The following ZNF804B variants were observed in gnomAD, a reference collection of about 807,000 sequenced individuals.
ZNF804B encodes zinc finger protein 804B.
ZNF804B carries 80 observed loss-of-function variants against 101.4 expected under a neutral mutation model. That is an observed-to-expected ratio of 0.79 (90% CI 0.66 to 0.95). ZNF804B has a LOEUF of 0.95. Ranked by LOEUF, ZNF804B falls within the 40% of genes least tolerant of loss-of-function variation. The pLI, the probability that ZNF804B is intolerant of heterozygous loss-of-function variation, is 0.00. For synonymous variants in ZNF804B, 622 were observed against 558.8 expected (o/e 1.11, Z -1.59); for missense variants, 1,673 against 1,561.9 (o/e 1.07, Z -1.20).
intron 1 of ZNF804B, among the ~76,000 whole-genome samples, chr7:89,038,853 T>C (rs572358613): frequency 6.6e-6 from 1 of 152,236 alleles, no homozygotes; most frequent in African/African-American, 2.4e-5. Context: ...GATACAAAGG[T>C]ACAATTTAAT....
chr7:89,181,630 A>G (rs1788299623), intron 1 of ZNF804B, among the ~76,000 whole-genome samples: 1 of 150,928 alleles, frequency 6.6e-6, no homozygotes, highest in Non-Finnish European at 1.5e-5. Flanking sequence ...TTTCCTTGAT[A>G]TCATGTTAAA....
chr7:88,894,602 C>A (rs1289433396), intron 1 of ZNF804B, among the ~76,000 whole-genome samples: 1 of 151,994 alleles, frequency 6.6e-6, no homozygotes, highest in Non-Finnish European at 1.5e-5. Flanking sequence ...ATGGAGGCAA[C>A]CAAGATATCC....
At chr7:89,286,171 A>T (rs1020015256) in intron 2 of ZNF804B, among the ~76,000 whole-genome samples, 1 of 152,176 alleles carries the variant, frequency 6.6e-6, no homozygotes, top group Non-Finnish European at 1.5e-5. Context: ...CCTCAAATAC[A>T]GTGTCTCTTC....
In ZNF804B at chr7:89,266,877, T is replaced by TTGTGTGTGTGTGTGTGTGTGTGTGTG. The variant is rs66604616; in HGVS notation, c.249+48597_249+48598insGTGTGTGTGTGTGTGTGTGTGTGTGT. ...AGTACTAATGTTTGTGTGTCTGTGT[T>TTGTGTGTGTGTGTGTGTGTGTGTGTG]TGTGTGTGTGTGTGTCTTTGGGAGT... On this transcript the variant is annotated intron_variant, in intron 2 of 3. Coordinates refer to ENST00000333190, the MANE Select transcript of ZNF804B (RefSeq NM_181646.5). Among the ~76,000 whole-genome samples the TTGTGTGTGTGTGTGTGTGTGTGTGTG allele has an allele frequency of 1.2e-3, 187 of 150,982 alleles. 1 individual carries two copies. Among genetic ancestry groups the TTGTGTGTGTGTGTGTGTGTGTGTGTG allele is most frequent in the African/African-American group, 4.3e-3 (175 of 40,964 alleles).
chr7:89,276,831 G>A (rs1286471789), intron 2 of ZNF804B, among the ~76,000 whole-genome samples: 1 of 151,590 alleles, frequency 6.6e-6, no homozygotes, highest in East Asian at 1.9e-4. Context: ...GACTCTAGAG[G>A]TATTCTGTAG....
chr7:89,288,994 G>A (rs1045622933), intron 2 of ZNF804B, among the ~76,000 whole-genome samples: 1 of 152,128 alleles, frequency 6.6e-6, no homozygotes, highest in Non-Finnish European at 1.5e-5. Context: ...TTTTAGAAGT[G>A]ATAAAAATGC....
intron 1 of ZNF804B, among the ~76,000 whole-genome samples, chr7:88,833,880 T>C (rs1291990711): frequency 2.0e-5 from 3 of 151,876 alleles, no homozygotes; most frequent in Admixed American, 1.3e-4. Context: ...TTTATACTTA[T>C]GCCAAAATTA....
chr7:89,073,066 A>C (rs998943940), intron 1 of ZNF804B, among the ~76,000 whole-genome samples: 1 of 152,180 alleles, frequency 6.6e-6, no homozygotes, highest in Non-Finnish European at 1.5e-5. Flanking sequence ...TAAAATAATA[A>C]ATTTCAGAAA....
chr7:89,252,364 A>G (rs1447796620), intron 2 of ZNF804B, among the ~76,000 whole-genome samples: 1 of 152,118 alleles, frequency 6.6e-6, no homozygotes, highest in Non-Finnish European at 1.5e-5. Flanking sequence ...TATTAAAAGT[A>G]AAAAGCAAAC....
intron 1 of ZNF804B, among the ~76,000 whole-genome samples, chr7:89,128,814 G>A (rs1790507429): frequency 6.6e-6 from 1 of 151,796 alleles, no homozygotes; most frequent in Admixed American, 6.6e-5. Flanking sequence ...TAAATGACAG[G>A]AATCCCTAAG....
In ZNF804B at chr7:89,335,858, C is replaced by T. The variant is rs775748280; in HGVS notation, c.2876C>T (p.Ser959Leu). The T allele has an allele frequency of 1.8e-5, 29 of 1,613,926 alleles. No individual in the cohort carries two copies. In the Admixed American group the frequency reaches 1.8e-4, roughly 10 times the overall value. Residue 959 changes from serine (S) to leucine (L), a missense_variant, in exon 4 of 4, where the codon TCG (serine) becomes TTG (leucine). Ser to Leu is a moderately radical substitution (Grantham distance 145). Coordinates refer to ENST00000333190, the MANE Select transcript of ZNF804B (RefSeq NM_181646.5). Reference sequence around the variant, plus strand: ...TGTAAAAGTGAATTAGAGGCTCCTTCGCAAGTCCCATGCACAATTCAACTT... The same window carrying T: ...TGTAAAAGTGAATTAGAGGCTCCTTTGCAAGTCCCATGCACAATTCAACTT... ...NSCKSELEAP[S>L]QVPCTIQLAP... is the part of the protein sequence containing the mutation.
chr7:88,779,909 AG>A (rs774066854), intron 1 of ZNF804B, among the ~76,000 whole-genome samples: 18 of 152,182 alleles, frequency 1.2e-4, no homozygotes, highest in Non-Finnish European at 2.2e-4. Context: ...AAGGTGCTAC[AG>A]GGTCTATGCG....
intron 2 of ZNF804B, among the ~76,000 whole-genome samples, chr7:89,228,860 G>A (rs1789139545): frequency 6.6e-6 from 1 of 152,184 alleles, no homozygotes. Flanking sequence ...GGGGCGCACG[G>A]AGCAGGTAGG....
At chr7:89,015,799 G>T (rs996916220) in intron 1 of ZNF804B, among the ~76,000 whole-genome samples, 4 of 152,048 alleles carry the variant, frequency 2.6e-5, no homozygotes, top group African/African-American at 4.8e-5. Context: ...ATAAACATAC[G>T]TGTGCATGTG....
chr7:89,116,901 G>T (rs932581789), intron 1 of ZNF804B, among the ~76,000 whole-genome samples: 2 of 152,170 alleles, frequency 1.3e-5, no homozygotes, highest in East Asian at 1.9e-4. Flanking sequence ...ATATATTGCA[G>T]ATATGATTAA....
In ZNF804B at chr7:88,901,138, G is replaced by T. The variant is rs1031526252; in HGVS notation, c.108+141054G>T. 5.9e-5 allele frequency among the ~76,000 whole-genome samples: 9 copies of T among 151,852 alleles called. No individual in the cohort carries two copies. In the East Asian group the frequency reaches 1.7e-3, roughly 29 times the overall value. ...CTTTTTTATTCAACAGAAAAAAAGT[G>T]TTGTGAGCTATTTTCCGTATAATTC... On this transcript the variant is annotated intron_variant, in intron 1 of 3. Coordinates refer to ENST00000333190, the MANE Select transcript of ZNF804B (RefSeq NM_181646.5).
rs536116482 is a variant in ZNF804B at position 88,893,230 on chromosome 7, T to A, written c.108+133146T>A. Among the ~76,000 whole-genome samples, 5 of 152,206 alleles carry A rather than the reference T, an allele frequency of 3.3e-5. No homozygotes were observed. In the South Asian group the frequency reaches 1.0e-3, roughly 32 times the overall value. ...TACTATTTTATTATAGTTTCTGACC[T>A]CCAAGGAATATAGTTGCTTTCTCAC... On this transcript the variant is annotated intron_variant, in intron 1 of 3. Coordinates refer to ENST00000333190, the MANE Select transcript of ZNF804B (RefSeq NM_181646.5).
At chr7:89,147,979 A>C (rs1790815524) in intron 1 of ZNF804B, among the ~76,000 whole-genome samples, 1 of 151,882 alleles carries the variant, frequency 6.6e-6, no homozygotes, top group Non-Finnish European at 1.5e-5. Context: ...AATATAATGC[A>C]TTTGATTCAT....
chr7:89,301,759 G>A (rs801811), intron 2 of ZNF804B, among the ~76,000 whole-genome samples: 54 of 151,952 alleles, frequency 3.6e-4, no homozygotes, highest in African/African-American at 1.3e-3. Context: ...TGAGAATTCT[G>A]CCTCTGTCAC....
Sources: allele counts gnomAD v4.1 joint callset (sites outside exome capture counted in the v4.1 genomes callset), GRCh38; gene constraint gnomAD v4.1.1; transcripts MANE v1.5; gene names NCBI Gene and HGNC (gene_info 2026-07-23, HGNC 2026-07-21).